The following SLITRK1 variants were observed in gnomAD, a reference collection of about 807,000 sequenced individuals.
SLITRK1 encodes the protein SLIT and NTRK-like protein 1.
Under a neutral mutation model 42.4 loss-of-function variants are expected in SLITRK1, and 10 were observed. That is an observed-to-expected ratio of 0.24 (90% confidence interval 0.15 to 0.40). The LOEUF is 0.40. Among genes scored for constraint, SLITRK1 ranks in the 10% least tolerant of loss-of-function variants. SLITRK1 has a pLI of 1.00. For synonymous variants in SLITRK1, 389 were observed against 365.7 expected (o/e 1.06, Z -0.73); for missense variants, 778 against 848.8 (o/e 0.92, Z 1.04).
chr13:83,879,858 T>G lies in SLITRK1; in HGVS notation c.1650A>C (p.Glu550Asp). 1 of 1,614,134 alleles carries G rather than the reference T, an allele frequency of 6.2e-7. No individual in the cohort carries two copies. Among genetic ancestry groups the G allele is most frequent in the Admixed American group, 1.7e-5 (1 of 60,028 alleles). ...CACACTTGAGGTCGCTCATCAGCACTTCGGAACCCAAGCGTTCTGCCCACT... is the reference window on the plus strand; with the variant it reads ...CACACTTGAGGTCGCTCATCAGCACGTCGGAACCCAAGCGTTCTGCCCACT... ...FKQWAERLGS[E>D]VLMSDLKCET... The change falls in exon 2 of 2, where the codon GAA becomes GAC. Residue 550 changes from glutamate to aspartate, a missense_variant. Transcript: ENST00000674365.
rs752831252 is a variant in SLITRK1 at position 83,880,869 on chromosome 13, A to G, written c.639T>C (p.Pro213=). The G allele has an allele frequency of 1.1e-5, 17 of 1,614,090 alleles. No individual in the cohort carries two copies. The South Asian group carries it at 1.5e-4, about 15-fold the overall frequency. ...GIAEILLEDN[P]WDCTCDLLSL... Reference sequence around the variant, plus strand: ...AGAGCAGATCACAGGTGCAGTCCCAAGGGTTATCCTCTAGCAGGATCTCCG... The same window carrying G: ...AGAGCAGATCACAGGTGCAGTCCCAGGGGTTATCCTCTAGCAGGATCTCCG... The change falls in exon 2 of 2, where the codon CCT becomes CCC. Residue 213 remains proline, a synonymous_variant. Coordinates refer to ENST00000674365, the MANE Select transcript of SLITRK1 (RefSeq NM_001281503.2).
intron 1 of SLITRK1, 145 bp downstream of exon 1, chr13:83,881,859 T>G: frequency 4.1e-6 from 1 of 242,546 alleles, no homozygotes; most frequent in Non-Finnish European, 8.6e-6. Flanking sequence ...AAGTACACCC[T>G]TACAGAATCT....
chr13:83,881,302 G>A lies in SLITRK1; in HGVS notation c.206C>T (p.Ser69Phe). The A allele has an allele frequency of 6.2e-7, 1 of 1,614,098 alleles. No homozygotes were observed. Among genetic ancestry groups the A allele is most frequent in the Non-Finnish European group, 8.5e-7 (1 of 1,180,022 alleles). The change falls in exon 2 of 2, where the codon TCC becomes TTC. Residue 69 changes from serine to phenylalanine, a missense_variant. Ser to Phe is a radical substitution (Grantham distance 155). Around this residue, in one of 4 missense-constraint regions of SLITRK1, gnomAD observed 204 missense variants for 295.3 expected, o/e 0.69. Coordinates refer to ENST00000674365, the MANE Select transcript of SLITRK1 (RefSeq NM_001281503.2). ...QFYHLFLHGN[S>F]LTRLFPNEFA... Reference sequence around the variant, plus strand: ...CTCATTAGGGAAAAGTCGAGTGAGGGAATTGCCATGCAGAAATAAATGGTA... The same window carrying A: ...CTCATTAGGGAAAAGTCGAGTGAGGAAATTGCCATGCAGAAATAAATGGTA...
rs974042861 is a variant in SLITRK1, at chr13:83,877,329, C to A, written c.*2088G>T. The A allele has an allele frequency of 6.6e-6, 1 of 151,988 alleles. No homozygotes were observed. Among genetic ancestry groups the A allele is most frequent in the African/African-American group, 2.4e-5 (1 of 41,340 alleles). The allele number at this position is 151,988 out of a possible 1,614,324, so 9.4% of individuals were successfully genotyped here. ...GAGTTCTAGATGGCAGATCTACTTA[C>A]AACTGCTCTGAGGTCTTTCACTAGC... On this transcript the variant is annotated 3_prime_UTR_variant, in exon 2 of 2. Transcript: ENST00000674365.
Position 83,881,547 on chromosome 13 carries a change from T to G in SLITRK1, c.-40A>C, listed in dbSNP as rs199761477. 2.0e-5 allele frequency: 30 copies of G among 1,521,678 alleles called. No homozygotes were observed. The highest frequency in any genetic ancestry group is 1.9e-4 in the East Asian group (7 of 36,984). The allele number at this position is 1,521,678 out of a possible 1,614,324, so 94.3% of individuals were successfully genotyped here. On this transcript the variant is annotated 5_prime_UTR_variant, in exon 2 of 2. Coordinates refer to ENST00000674365, the MANE Select transcript of SLITRK1 (RefSeq NM_001281503.2). ...ATTCATCCCCGATCTCATCACAAAG[T>G]AACAGCGACCATCCTGCTCGCCACA...
At position 83,880,839 on chromosome 13, in the gene SLITRK1, C is replaced by G. The variant is rs1884798844; in HGVS notation, c.669G>C (p.Leu223=). 6.2e-7 allele frequency: 1 copy of G among 1,614,024 alleles called. No homozygotes were observed. The highest frequency in any genetic ancestry group is 1.3e-5 in the African/African-American group (1 of 74,918). ...PWDCTCDLLS[L]KEWLENIPKN... ...TGGGAATGTTTTCCAGCCATTCTTT[C>G]AGGGAGAGCAGATCACAGGTGCAGT... is the stretch of plus-strand genomic sequence containing the variant. The change falls in exon 2 of 2, where the codon CTG becomes CTC. Residue 223 remains leucine, a synonymous_variant. Coordinates refer to ENST00000674365, the MANE Select transcript of SLITRK1 (RefSeq NM_001281503.2).
At position 83,878,542 on chromosome 13, in the gene SLITRK1, C is replaced by T. The variant is rs1335767105; in HGVS notation, c.*875G>A. 6.6e-6 allele frequency: 1 copy of T among 151,970 alleles called. No individual in the cohort carries two copies. Among genetic ancestry groups the T allele is most frequent in the Admixed American group, 6.6e-5 (1 of 15,214 alleles). The allele number at this position is 151,970 out of a possible 1,614,324, so 9.4% of individuals were successfully genotyped here. On this transcript the variant is annotated 3_prime_UTR_variant, in exon 2 of 2. Coordinates refer to ENST00000674365, the MANE Select transcript of SLITRK1 (RefSeq NM_001281503.2). Reference sequence around the variant, plus strand: ...TGGATATGTATTAAAAAAAAGACCCCCTGAAAAAAATAAAATAAAATAAAA... The same window carrying T: ...TGGATATGTATTAAAAAAAAGACCCTCTGAAAAAAATAAAATAAAATAAAA...
At position 83,880,805 on chromosome 13, in the gene SLITRK1, G is replaced by A. The variant is rs377654136; in HGVS notation, c.703C>T (p.Leu235=). The A allele has an allele frequency of 1.3e-5, 21 of 1,614,160 alleles. No homozygotes were observed. Among genetic ancestry groups the A allele is most frequent in the Non-Finnish European group, 1.7e-5 (20 of 1,180,038 alleles). The change falls in exon 2 of 2, where the codon CTG becomes TTG. Residue 235 remains leucine (L), a synonymous_variant. Transcript: ENST00000674365. ...GCTTCGCAGACCACTCGGCCGATCA[G>A]GGCATTCTTGGGAATGTTTTCCAGC... is the stretch of plus-strand genomic sequence containing the variant. ...EWLENIPKNA[L]IGRVVCEAPT...
rs1442586757 is a variant in SLITRK1 at position 83,877,253 on chromosome 13, T to C, written c.*2164A>G. 1 of 152,188 alleles carries C rather than the reference T, an allele frequency of 6.6e-6. No homozygotes were observed. The highest frequency in any genetic ancestry group is 1.5e-5 in the Non-Finnish European group (1 of 68,018). 9.4% of individuals were successfully genotyped at this position (152,188 alleles called of 1,614,324 possible). A position where few individuals can be genotyped will look rare whatever the true frequency, so the allele number is the denominator to read the frequency against. ...ATTAAAAAAGTGTTAAAATAAATAATACATATTCCAGAACATCACTGTTCT... is the reference window on the plus strand; with the variant it reads ...ATTAAAAAAGTGTTAAAATAAATAACACATATTCCAGAACATCACTGTTCT... On this transcript the variant is annotated 3_prime_UTR_variant, in exon 2 of 2. Transcript: ENST00000674365.
chr13:83,878,828 G>A lies in SLITRK1; in HGVS notation c.*589C>T, dbSNP rs546849980. Reference sequence around the variant, plus strand: ...CTTATCAGGTAAGAGGGTGGGTGCTGTGAACGAGATGCCGTCTCCAGTCGC... The same window carrying A: ...CTTATCAGGTAAGAGGGTGGGTGCTATGAACGAGATGCCGTCTCCAGTCGC... On this transcript the variant is annotated 3_prime_UTR_variant, in exon 2 of 2. Transcript: ENST00000674365. 12 of 155,730 alleles carry A rather than the reference G, an allele frequency of 7.7e-5. No individual in the cohort carries two copies. Among genetic ancestry groups the A allele is most frequent in the African/African-American group, 2.9e-4 (12 of 41,580 alleles). The allele number at this position is 155,730 out of a possible 1,614,324, so 9.6% of individuals were successfully genotyped here. A position where few individuals can be genotyped will look rare whatever the true frequency, so the allele number is the denominator to read the frequency against.
chr13:83,880,189 C>A lies in SLITRK1; in HGVS notation c.1319G>T (p.Arg440Leu). The change falls in exon 2 of 2, where the codon CGG (arginine) becomes CTG (leucine). Residue 440 changes from arginine to leucine, a missense_variant. Physicochemically the swap from Arg to Leu is moderately radical, Grantham distance 102. Transcript: ENST00000674365. Reference sequence around the variant, plus strand: ...GTTTTGCAGCCCCGCGAATTTCTCCCGGGACAGCGTGTCCAGGTAATTGCT... The same window carrying A: ...GTTTTGCAGCCCCGCGAATTTCTCCAGGGACAGCGTGTCCAGGTAATTGCT... ...MDSNYLDTLS[R>L]EKFAGLQNLE... The A allele has an allele frequency of 6.2e-7, 1 of 1,613,960 alleles. No individual in the cohort carries two copies. The highest frequency in any genetic ancestry group is 1.3e-5 in the African/African-American group (1 of 74,938).
Position 83,879,949 on chromosome 13 carries a change from G to C in SLITRK1, c.1559C>G (p.Ser520Cys). Residue 520 changes from serine to cysteine, a missense_variant, in exon 2 of 2, where the codon TCC (serine) becomes TGC (cysteine). Around this residue, in one of 4 missense-constraint regions of SLITRK1, gnomAD observed 395 missense variants for 360.4 expected, o/e 1.10. Coordinates refer to ENST00000674365, the MANE Select transcript of SLITRK1 (RefSeq NM_001281503.2). Reference sequence around the variant, plus strand: ...TCCGTGGAGGTCTATCTGGATGATGGAGGTTAACTGGTCCAGCACCCCTGC... The same window carrying C: ...TCCGTGGAGGTCTATCTGGATGATGCAGGTTAACTGGTCCAGCACCCCTGC... ...PVAGVLDQLT[S>C]IIQIDLHGNP... 8.1e-6 allele frequency: 13 copies of C among 1,614,076 alleles called. No individual in the cohort carries two copies. The highest frequency in any genetic ancestry group is 1.0e-5 in the Non-Finnish European group (12 of 1,180,022).
Position 83,879,632 on chromosome 13 carries a change from G to A in SLITRK1, c.1876C>T (p.Leu626=). Residue 626 remains leucine (L), a synonymous_variant, in exon 2 of 2, where the codon CTG becomes TTG. Transcript: ENST00000674365. ...SISVLVPGLL[L]VFVTSAFTVV... ...GTGAAGGCGGAGGTGACAAACACCA[G>A]CAGCAGTCCCGGGACCAACACCGAG... is the stretch of plus-strand genomic sequence containing the variant. 18 of 1,613,772 alleles carry A rather than the reference G, an allele frequency of 1.1e-5. No homozygotes were observed. Among genetic ancestry groups the A allele is most frequent in the Non-Finnish European group, 1.5e-5 (18 of 1,179,934 alleles).
At position 83,880,462 on chromosome 13, in the gene SLITRK1, T is replaced by C; in HGVS notation, c.1046A>G (p.His349Arg). Residue 349 changes from histidine (H) to arginine (R), a missense_variant, in exon 2 of 2, where the codon CAC becomes CGC. Coordinates refer to ENST00000674365, the MANE Select transcript of SLITRK1 (RefSeq NM_001281503.2). ...LPCPGGCSCD[H>R]IPGSGLKMNC... ...CATCTTTAAACCCGACCCTGGGATG[T>C]GGTCGCAGCTGCAGCCCCCAGGGCA... The C allele has an allele frequency of 2.5e-6, 4 of 1,614,026 alleles. No homozygotes were observed. The highest frequency in any genetic ancestry group is 3.4e-6 in the Non-Finnish European group (4 of 1,180,012).
Position 83,877,892 on chromosome 13 carries a change from T to A in SLITRK1, c.*1525A>T, listed in dbSNP as rs1377962705. 1 of 152,370 alleles carries A rather than the reference T, an allele frequency of 6.6e-6. No homozygotes were observed. The highest frequency in any genetic ancestry group is 1.9e-4 in the East Asian group (1 of 5,174). The allele number at this position is 152,370 out of a possible 1,614,324, so 9.4% of individuals were successfully genotyped here. ...CCTAACATCCTTAATATATCTGCAG[T>A]GTGGGCAGCACCAACAAAAGCAGCA... On this transcript the variant is annotated 3_prime_UTR_variant, in exon 2 of 2. Coordinates refer to ENST00000674365, the MANE Select transcript of SLITRK1 (RefSeq NM_001281503.2).
rs1884808125 is a variant in SLITRK1 at position 83,881,271 on chromosome 13, A to G, written c.237T>C (p.Ala79=). 1.2e-6 allele frequency: 2 copies of G among 1,614,084 alleles called. No individual in the cohort carries two copies. Among genetic ancestry groups the G allele is most frequent in the Admixed American group, 1.7e-5 (1 of 60,000 alleles). ...SLTRLFPNEF[A]NFYNAVSLHM... The stretch of plus-strand genomic sequence containing the variant: ...GCAAACTAACCGCATTATAAAAGTT[A>G]GCGAACTCATTAGGGAAAAGTCGAG... Residue 79 remains alanine (A), a synonymous_variant, in exon 2 of 2, where the codon GCT becomes GCC. Transcript: ENST00000674365.
At position 83,879,107 on chromosome 13, in the gene SLITRK1, G is replaced by A; in HGVS notation, c.*310C>T. On this transcript the variant is annotated 3_prime_UTR_variant, in exon 2 of 2. Transcript: ENST00000674365. ...GGCATCCAACCCCACAGGCCCCGGG[G>A]CCGAGGGCGAGGGCACTGTCAGTTC... The A allele has an allele frequency of 2.4e-6, 1 of 423,188 alleles. No homozygotes were observed. Among genetic ancestry groups the A allele is most frequent in the South Asian group, 2.2e-5 (1 of 45,672 alleles). The allele number at this position is 423,188 out of a possible 1,614,324, so 26.2% of individuals were successfully genotyped here.
At position 83,880,365 on chromosome 13, in the gene SLITRK1, G is replaced by C. The variant is rs1158686424; in HGVS notation, c.1143C>G (p.Phe381Leu). Residue 381 changes from phenylalanine to leucine, a missense_variant, in exon 2 of 2, where the codon TTC (phenylalanine) becomes TTG (leucine). Physicochemically the swap from Phe to Leu is conservative, Grantham distance 22. This residue lies in a region of SLITRK1 where 395 missense variants were observed against 360.4 expected (regional missense o/e 1.10). Coordinates refer to ENST00000674365, the MANE Select transcript of SLITRK1 (RefSeq NM_001281503.2). ...KPKLSNVQEL[F>L]LRDNKIHSIR... ...TGCTGTGGATCTTGTTATCTCGTAG[G>C]AAAAGCTCCTGCACGTTAGAGAGCT... 2 of 1,613,860 alleles carry C rather than the reference G, an allele frequency of 1.2e-6. No homozygotes were observed. Among genetic ancestry groups the C allele is most frequent in the Admixed American group, 3.3e-5 (2 of 59,990 alleles).
In SLITRK1 at chr13:83,881,126, C is replaced by A. The variant is rs1594118733; in HGVS notation, c.382G>T (p.Gly128Trp). The part of the protein sequence containing the change: ...IKSFRKQTFL[G>W]LDDLEYLQAD... The stretch of plus-strand genomic sequence containing the variant: ...TGGAGATATTCCAGATCGTCCAGCC[C>A]CAGAAAAGTCTGCTTTCGAAAAGAC... Residue 128 changes from glycine (G) to tryptophan (W), a missense_variant, in exon 2 of 2, where the codon GGG becomes TGG. By Grantham distance (184) the Gly-to-Trp change is radical (BLOSUM62 -2). Transcript: ENST00000674365. 1 of 1,614,050 alleles carries A rather than the reference C, an allele frequency of 6.2e-7. No homozygotes were observed. The highest frequency in any genetic ancestry group is 8.5e-7 in the Non-Finnish European group (1 of 1,180,032).
Sources: allele counts gnomAD v4.1 joint callset, GRCh38; gene constraint gnomAD v4.1.1; regional missense constraint gnomAD v4.1.1; transcripts MANE v1.5; gene names NCBI Gene and HGNC (gene_info 2026-07-23, HGNC 2026-07-21).